The following LPIN1 variants were observed in gnomAD, a reference collection of about 807,000 sequenced individuals.
LPIN1 encodes phosphatidate phosphatase LPIN1.
Under a neutral mutation model 107.5 loss-of-function variants are expected in LPIN1, and 71 were observed. The observed-to-expected ratio is 0.66, with a 90% CI of 0.55 to 0.80. LPIN1 has a LOEUF of 0.80. Among genes scored for constraint, LPIN1 ranks in the 30% least tolerant of loss-of-function variants. The pLI is 0.00. For synonymous variants in LPIN1, 445 were observed against 452.6 expected, an observed-to-expected ratio of 0.98 and a Z score of 0.21; for missense variants, 1,043 against 1,160.6, an observed-to-expected ratio of 0.90 and a Z score of 1.47.
Position 11,696,600 on chromosome 2 carries a change from G to A in LPIN1, c.82-17156G>A, listed in dbSNP as rs550299568. On this transcript the variant is annotated intron_variant, in intron 1 of 21. Transcript: ENST00000449576. ...AGAAGTGAGTGGGGATGGCTGGCGAGCAAGGTGTCTGTAGGGCAGCACAGG... is the reference window on the plus strand; with the variant it reads ...AGAAGTGAGTGGGGATGGCTGGCGAACAAGGTGTCTGTAGGGCAGCACAGG... Among the ~76,000 whole-genome samples the A allele has an allele frequency of 2.0e-5, 3 of 152,324 alleles. No homozygotes were observed. In the East Asian group the frequency reaches 5.8e-4, roughly 30 times the overall value.
chr2:11,767,572 C>T lies in LPIN1; in HGVS notation c.193-191C>T, dbSNP rs554499573. The stretch of plus-strand genomic sequence containing the variant: ...TTTCCTGGTCAGGGACCTGCCCTCC[C>T]GAACCCAGAACTCCTCCAGTCCTCA... On this transcript the variant is annotated intron_variant, in intron 2 of 20. Coordinates refer to ENST00000674199, the MANE Select transcript of LPIN1 (RefSeq NM_001349206.2). The T allele has an allele frequency of 2.4e-4, 149 of 626,964 alleles. 1 individual carries two copies. The highest frequency in any genetic ancestry group is 2.0e-3 in the South Asian group (105 of 53,674). The allele number at this position is 626,964 out of a possible 1,614,324, so 38.8% of individuals were successfully genotyped here. A position where few individuals can be genotyped will look rare whatever the true frequency, so the allele number is the denominator to read the frequency against.
At chr2:11,808,121 A>G (rs1679028181) in intron 17 of LPIN1, among the ~76,000 whole-genome samples, 1 of 152,056 alleles carries the variant, frequency 6.6e-6, no homozygotes, top group African/African-American at 2.4e-5. Flanking sequence ...TCAGGCCACA[A>G]TCTGTGACCC....
chr2:11,805,427 G>A (rs906745893), intron 17 of LPIN1: 1 of 560,554 alleles, frequency 1.8e-6, no homozygotes, highest in African/African-American at 1.9e-5. Flanking sequence ...CAGCATTAGG[G>A]GTGAGACTGA....
At chr2:11,797,922 T>A (rs568865464) in intron 14 of LPIN1, among the ~76,000 whole-genome samples, 1 of 152,298 alleles carries the variant, frequency 6.6e-6, no homozygotes, top group African/African-American at 2.4e-5. Context: ...CAAATGTCAC[T>A]TTGAACTGTA....
At chr2:11,680,847 C>T (rs1661676104) in intron 1 of LPIN1, among the ~76,000 whole-genome samples, 1 of 152,192 alleles carries the variant, frequency 6.6e-6, no homozygotes, top group African/African-American at 2.4e-5. Flanking sequence ...ATGTAAGACC[C>T]AGAGTGAAGG....
intron 2 of LPIN1, 171 bp from the exon 3 acceptor site, chr2:11,767,592 T>C: frequency 6.0e-6 from 4 of 664,012 alleles, no homozygotes; most frequent in South Asian, 3.4e-5. Flanking sequence ...ACTCCTCCAG[T>C]CCTCAAGTGA....
intron 1 of LPIN1, among the ~76,000 whole-genome samples, chr2:11,760,935 G>A (rs910609401): frequency 2.0e-5 from 3 of 152,100 alleles, no homozygotes; most frequent in Non-Finnish European, 4.4e-5. Context: ...TCACAGAACC[G>A]AAAGAGAGGT....
chr2:11,680,799 C>T (rs1029223370), intron 1 of LPIN1, among the ~76,000 whole-genome samples: 15 of 152,018 alleles, frequency 9.9e-5, no homozygotes, highest in African/African-American at 3.4e-4. Context: ...GGTCAGGCAC[C>T]CTGCCTATGA....
At chr2:11,743,527 C>T (rs1666577663), upstream of LPIN1, among the ~76,000 whole-genome samples, 1 of 152,126 alleles carries the variant, frequency 6.6e-6, no homozygotes, top group Non-Finnish European at 1.5e-5. This position sits in a 1 kb window ranked among gnomAD's most constrained non-coding sequence, Gnocchi z 4.7. Context: ...GCCCCTGGTT[C>T]CCACCTGGTT....
At chr2:11,699,772 T>TG (rs1228883724) in intron 1 of LPIN1, among the ~76,000 whole-genome samples, 1 of 151,920 alleles carries the variant, frequency 6.6e-6, no homozygotes, top group African/African-American at 2.4e-5. Flanking sequence ...CCCAGCCTAA[T>TG]GGGGCACAGG....
intron 1 of LPIN1, among the ~76,000 whole-genome samples, chr2:11,699,623 C>G (rs781204797): frequency 3.9e-5 from 6 of 152,104 alleles, no homozygotes; most frequent in Non-Finnish European, 8.8e-5. Context: ...TCTTGGGTAT[C>G]GGTTGACTGT....
In LPIN1 at chr2:11,765,498, G is replaced by T. The variant is rs1372571285; in HGVS notation, c.-9-35G>T. On this transcript the variant is annotated intron_variant, in intron 1 of 20. Coordinates refer to ENST00000674199, the MANE Select transcript of LPIN1 (RefSeq NM_001349206.2). The surrounding 1 kb of genome is among the most constrained non-coding windows in gnomAD (Gnocchi z 4.4). ...ATTGGCTCTTCCTTGGATTAATTGT[G>T]TGTCTGTGTGTGTTTTTTTTTGTCT... 7 of 1,554,802 alleles carry T rather than the reference G, an allele frequency of 4.5e-6. No homozygotes were observed. In the African/African-American group the frequency reaches 9.8e-5, roughly 22 times the overall value.
intron 1 of LPIN1, among the ~76,000 whole-genome samples, chr2:11,762,095 C>T (rs1436296730): frequency 2.0e-5 from 3 of 152,074 alleles, no homozygotes; most frequent in Admixed American, 2.0e-4. Flanking sequence ...TCGGGGGTTC[C>T]CATGACCCCC....
intron 14 of LPIN1, among the ~76,000 whole-genome samples, chr2:11,798,496 C>A (rs1677118958): frequency 6.6e-6 from 1 of 152,184 alleles, no homozygotes; most frequent in Admixed American, 6.5e-5. Context: ...TCAGCTCTTG[C>A]AGTTTACTTG....
At chr2:11,769,161 A>T in intron 3 of LPIN1, among the ~76,000 whole-genome samples, 1 of 152,236 alleles carries the variant, frequency 6.6e-6, no homozygotes, top group East Asian at 1.9e-4. Flanking sequence ...GTTACAAAGC[A>T]GCTGTTCCAT....
chr2:11,758,410 T>C (rs939813093), intron 1 of LPIN1, among the ~76,000 whole-genome samples: 1 of 152,232 alleles, frequency 6.6e-6, no homozygotes, highest in African/African-American at 2.4e-5. Flanking sequence ...AGTTTCTCCA[T>C]ATCCTTGCCA....
At chr2:11,794,016 A>G (rs1238477470) in intron 13 of LPIN1, among the ~76,000 whole-genome samples, 1 of 152,226 alleles carries the variant, frequency 6.6e-6, no homozygotes, top group Non-Finnish European at 1.5e-5. Flanking sequence ...ATAAACTGCC[A>G]TGAACTCTAT....
intron 1 of LPIN1, among the ~76,000 whole-genome samples, chr2:11,705,025 T>C (rs1663057212): frequency 6.6e-6 from 1 of 152,226 alleles, no homozygotes; most frequent in African/African-American, 2.4e-5. Flanking sequence ...GCCACAGGAT[T>C]GATCAGACAA....
chr2:11,755,723 C>CTT (rs1297191152), intron 1 of LPIN1, among the ~76,000 whole-genome samples: 26 of 138,314 alleles, frequency 1.9e-4, no homozygotes, highest in African/African-American at 6.3e-4. Flanking sequence ...ACACTTAGTT[C>CTT]TTTTTTTTTT....
Sources: gnomAD v4.1 joint callset for allele counts (sites outside exome capture counted in the v4.1 genomes callset) on GRCh38, gnomAD v4.1.1 for gene constraint, Gnocchi (gnomAD v3.1) non-coding constraint, MANE v1.5 for transcripts, NCBI Gene and HGNC (gene_info 2026-07-23, HGNC 2026-07-21) for gene names.